TMEM117: variants seen among roughly 807,000 people sequenced by gnomAD.
TMEM117 encodes the protein transmembrane protein 117.
In TMEM117, 27 loss-of-function variants were observed where a neutral mutation model predicts 52.4. The ratio of observed to expected loss-of-function variants is 0.51; its 90% CI spans 0.38 to 0.71. The LOEUF is 0.71. Ranked by LOEUF, TMEM117 falls within the 30% of genes least tolerant of loss-of-function variation. TMEM117 has a pLI of 0.00. For missense variants in TMEM117, 556 were observed against 630.5 expected, an observed-to-expected ratio of 0.88 and a Z score of 1.26; for synonymous variants, 215 against 206.3, an observed-to-expected ratio of 1.04 and a Z score of -0.36.
intron 5 of TMEM117, among the ~76,000 whole-genome samples, chr12:44,268,290 G>A (rs1458277792): frequency 5.9e-5 from 9 of 151,856 alleles, no homozygotes; most frequent in East Asian, 3.9e-4. Flanking sequence ...GACATGCACC[G>A]CCATGCCTGG....
At chr12:44,148,036 C>G (rs1948670207) in intron 4 of TMEM117, among the ~76,000 whole-genome samples, 1 of 152,010 alleles carries the variant, frequency 6.6e-6, no homozygotes, top group South Asian at 2.1e-4. Flanking sequence ...TGTGTATCAA[C>G]TTCTAACAGT....
intron 2 of TMEM117, among the ~76,000 whole-genome samples, chr12:43,918,863 C>T (rs982383529): frequency 9.2e-5 from 14 of 152,192 alleles, no homozygotes; most frequent in African/African-American, 3.4e-4. Context: ...TGTCTTAATT[C>T]TCTAATCTCT....
At chr12:43,871,049 T>C (rs1375615180) in intron 2 of TMEM117, among the ~76,000 whole-genome samples, 1 of 152,092 alleles carries the variant, frequency 6.6e-6, no homozygotes, top group African/African-American at 2.4e-5. Flanking sequence ...CCTGTCATAG[T>C]GCTGGGATTA....
At chr12:43,998,008 G>C (rs1321881404) in intron 3 of TMEM117, among the ~76,000 whole-genome samples, 1 of 152,224 alleles carries the variant, frequency 6.6e-6, no homozygotes, top group Admixed American at 6.5e-5. Flanking sequence ...TGCATAGGGA[G>C]AGGGAGATAA....
chr12:43,837,090 C>T (rs1440244501), intron 1 of TMEM117, among the ~76,000 whole-genome samples: 1 of 151,820 alleles, frequency 6.6e-6, no homozygotes, highest in Non-Finnish European at 1.5e-5. Context: ...GATATACTTT[C>T]TTTTATCCCC....
chr12:43,968,080 ACAGAAGACTTAGGCT>A (rs1324196579), intron 3 of TMEM117, among the ~76,000 whole-genome samples: 2 of 152,226 alleles, frequency 1.3e-5, no homozygotes, highest in African/African-American at 4.8e-5. Flanking sequence ...CAAATAATAA[ACAGAAGACTTAGGCT>A]CAGGCATAGA....
intron 3 of TMEM117, among the ~76,000 whole-genome samples, chr12:44,011,204 A>G (rs1023717078): frequency 3.3e-5 from 5 of 152,096 alleles, no homozygotes; most frequent in Admixed American, 1.3e-4. Flanking sequence ...TCAACCCTTT[A>G]TTACAATAGT....
At chr12:44,285,892 G>T (rs1390030390) in intron 5 of TMEM117, among the ~76,000 whole-genome samples, 2 of 152,120 alleles carry the variant, frequency 1.3e-5, no homozygotes, top group Admixed American at 1.3e-4. Context: ...TTCTGCTTTT[G>T]CCTGTTTATT....
At chr12:44,046,773 A>G (rs767744673) in intron 3 of TMEM117, among the ~76,000 whole-genome samples, 3 of 152,112 alleles carry the variant, frequency 2.0e-5, no homozygotes, top group Non-Finnish European at 4.4e-5. Context: ...AAATATCTTC[A>G]TTTTATTTCC....
chr12:44,230,581 T>C (rs1949919560), intron 5 of TMEM117, among the ~76,000 whole-genome samples: 1 of 152,022 alleles, frequency 6.6e-6, no homozygotes, highest in Non-Finnish European at 1.5e-5. Context: ...CATCCTTTCT[T>C]CCTCTTAGTA....
intron 2 of TMEM117, among the ~76,000 whole-genome samples, chr12:43,924,810 A>G (rs1340877528): frequency 6.6e-6 from 1 of 152,222 alleles, no homozygotes; most frequent in East Asian, 1.9e-4. Flanking sequence ...AGTGGCTTAA[A>G]ACAAGAATAA....
chr12:43,829,401 T>G, the TMEM117 span, among the ~76,000 whole-genome samples: 3 of 152,226 alleles, frequency 2.0e-5, no homozygotes, highest in African/African-American at 7.2e-5. Flanking sequence ...ATTAGAAACC[T>G]CAACATTTTC....
At chr12:43,953,127 ATATTTAGTGCTTCCTTC>A (rs1350698837) in intron 3 of TMEM117, among the ~76,000 whole-genome samples, 30 of 152,238 alleles carry the variant, frequency 2.0e-4, no homozygotes, top group Non-Finnish European at 4.0e-4. Context: ...CCTGTCTTGC[ATATTTAGTGCTTCCTTC>A]AGGAAGCACT....
At chr12:43,948,381 C>T (rs1217121301) in intron 3 of TMEM117, among the ~76,000 whole-genome samples, 1 of 151,976 alleles carries the variant, frequency 6.6e-6, no homozygotes, top group Non-Finnish European at 1.5e-5. Context: ...TCTCGGCTCA[C>T]TGCAAGCTCT....
intron 5 of TMEM117, among the ~76,000 whole-genome samples, chr12:44,260,831 G>C (rs576692929): frequency 6.6e-6 from 1 of 152,196 alleles, no homozygotes; most frequent in Non-Finnish European, 1.5e-5. Context: ...AGGAGAGGCA[G>C]ATGGGCATAA....
At chr12:44,335,866 G>T (rs1462343722) in intron 6 of TMEM117, among the ~76,000 whole-genome samples, 1 of 151,970 alleles carries the variant, frequency 6.6e-6, no homozygotes, top group East Asian at 1.9e-4. Context: ...AGCAATCAGT[G>T]ACAATTCTTG....
intron 6 of TMEM117, among the ~76,000 whole-genome samples, chr12:44,316,029 T>C (rs1354080822): frequency 6.6e-6 from 1 of 152,146 alleles, no homozygotes; most frequent in Admixed American, 6.5e-5. Context: ...AGTTTACCAC[T>C]CTCTGTGTCT....
intron 3 of TMEM117, among the ~76,000 whole-genome samples, chr12:44,061,307 G>T (rs1947134940): frequency 6.6e-6 from 1 of 152,174 alleles, no homozygotes; most frequent in Non-Finnish European, 1.5e-5. Context: ...CAACTCACGA[G>T]AATTTCTTTG....
intron 6 of TMEM117, among the ~76,000 whole-genome samples, chr12:44,343,674 C>G (rs1199250785): frequency 1.3e-5 from 2 of 152,076 alleles, no homozygotes; most frequent in Non-Finnish European, 2.9e-5. Flanking sequence ...ATGTCCTCAA[C>G]ACTATTAAAT....
Sources: gnomAD v4.1 joint callset for allele counts (sites outside exome capture counted in the v4.1 genomes callset) on GRCh38, gnomAD v4.1.1 for gene constraint, MANE v1.5 for transcripts, NCBI Gene and HGNC (gene_info 2026-07-23, HGNC 2026-07-21) for gene names.